The following ABCA10 variants were observed in gnomAD, a reference collection of about 807,000 sequenced individuals.
The protein encoded by ABCA10 is ATP binding cassette subfamily A member 10, also known as ATP-binding cassette sub-family A member 10.
In ABCA10, 169 loss-of-function variants were observed where a neutral mutation model predicts 187.5. The ratio of observed to expected loss-of-function variants is 0.90; its 90% CI spans 0.80 to 1.02. The LOEUF (loss-of-function observed/expected upper bound fraction) is 1.02. Among genes scored for constraint, ABCA10 ranks in the 50% least tolerant of loss-of-function variants. The pLI is 0.00. For synonymous variants in ABCA10, 574 were observed against 601.8 expected, an observed-to-expected ratio of 0.95 and a Z score of 0.68; for missense variants, 1,727 against 1,812.4, an observed-to-expected ratio of 0.95 and a Z score of 0.86.
chr17:69,153,642 T>A, intron 32 of ABCA10, 96 bp from the exon 33 acceptor site: 1 of 1,499,926 alleles, frequency 6.7e-7, no homozygotes, highest in Non-Finnish European at 9.0e-7. Flanking sequence ...TTCTAGATAG[T>A]AAATTTAAGC....
rs1239099868 is a variant in ABCA10, at chr17:69,225,547, GA to G, written c.-171-19del. The stretch of plus-strand genomic sequence containing the variant: ...GTCCATTCCTCCAGCACACAAAAGA[GA>G]AATGAGCCATGTTATAACGTGGTCC... On this transcript the variant is annotated intron_variant, in intron 2 of 38. Transcript: ENST00000690296. The G allele has an allele frequency of 1.8e-6, 1 of 548,878 alleles. No individual in the cohort carries two copies. Among genetic ancestry groups the G allele is most frequent in the Non-Finnish European group, 3.2e-6 (1 of 312,022 alleles). The allele number at this position is 548,878 out of a possible 1,614,324, so 34.0% of individuals were successfully genotyped here.
intron 9 of ABCA10, among the ~76,000 whole-genome samples, chr17:69,210,815 T>C (rs905949243): frequency 3.7e-5 from 5 of 133,356 alleles, no homozygotes; most frequent in African/African-American, 1.5e-4. Context: ...GGCATATATA[T>C]ACATATATAT....
intron 33 of ABCA10, 24 bp from the exon 34 acceptor site, chr17:69,153,423 C>T (rs748185220): frequency 1.7e-5 from 28 of 1,613,246 alleles, no homozygotes; most frequent in Middle Eastern, 1.6e-4. Flanking sequence ...AACAGCCCGT[C>T]GGCACCCAGC....
At chr17:69,188,668 T>C (rs1252855597) in intron 18 of ABCA10, among the ~76,000 whole-genome samples, 1 of 151,792 alleles carries the variant, frequency 6.6e-6, no homozygotes, top group African/African-American at 2.4e-5. Context: ...TAATACCCAC[T>C]AGGTCATTTT....
In ABCA10 at chr17:69,193,914, C is replaced by A; in HGVS notation, c.1421G>T (p.Cys474Phe). The change falls in exon 13 of 39, where the codon TGT (cysteine) becomes TTT (phenylalanine). Residue 474 changes from cysteine (C) to phenylalanine (F), a missense_variant. By Grantham distance (205) the Cys-to-Phe change is radical. Transcript: ENST00000690296. Reference sequence around the variant, plus strand: ...GTCAAATTGAAAATTGAACTGTGGACAAAATCCAATATTCTTTCTAATTTC... The same window carrying A: ...GTCAAATTGAAAATTGAACTGTGGAAAAAATCCAATATTCTTTCTAATTTC... ...MEEIRKNIGF[C>F]PQFNFQFDFL... is the part of the protein sequence containing the mutation. 6.2e-7 allele frequency: 1 copy of A among 1,612,600 alleles called. No homozygotes were observed. The highest frequency in any genetic ancestry group is 1.7e-5 in the Admixed American group (1 of 59,976).
At chr17:69,183,092 T>C (rs766206348) in intron 20 of ABCA10, among the ~76,000 whole-genome samples, 2 of 152,136 alleles carry the variant, frequency 1.3e-5, no homozygotes, top group Admixed American at 1.3e-4. Context: ...TAAGATTGCA[T>C]TTCTCACAGG....
intron 3 of ABCA10, 116 bp from the exon 4 acceptor site, chr17:69,222,813 G>A: frequency 1.1e-6 from 1 of 921,762 alleles, no homozygotes; most frequent in Non-Finnish European, 1.5e-6. Context: ...TATTATTTCT[G>A]GATAGCTGCC....
chr17:69,161,065 T>C (rs1598088743), intron 27 of ABCA10, among the ~76,000 whole-genome samples: 1 of 152,182 alleles, frequency 6.6e-6, no homozygotes, highest in Non-Finnish European at 1.5e-5. Context: ...TTCAATATTA[T>C]TCAACCTTAA....
intron 20 of ABCA10, among the ~76,000 whole-genome samples, chr17:69,183,547 G>A (rs963146626): frequency 3.3e-5 from 5 of 152,052 alleles, no homozygotes; most frequent in African/African-American, 2.4e-5. Flanking sequence ...GAGTGCCCTC[G>A]GTGTGAAAGG....
Position 69,182,218 on chromosome 17 carries a change from T to C in ABCA10, c.2704A>G (p.Asn902Asp). Residue 902 changes from asparagine (N) to aspartate (D), a missense_variant, in exon 22 of 39, where the codon AAT (asparagine) becomes GAT (aspartate). Transcript: ENST00000690296. ...CFPVLMGIVS[N>D]ALMGIFNFTE... ...AAGTTAAAAATTCCCATAAGGGCAT[T>C]GCTAACAATTCCCATAAGAACAGGA... 6.2e-7 allele frequency: 1 copy of C among 1,602,372 alleles called. No individual in the cohort carries two copies. Among genetic ancestry groups the C allele is most frequent in the Non-Finnish European group, 8.5e-7 (1 of 1,173,742 alleles).
At chr17:69,239,327 G>C (rs184374164) in intron 1 of ABCA10, among the ~76,000 whole-genome samples, 6 of 152,240 alleles carry the variant, frequency 3.9e-5, no homozygotes, top group Admixed American at 3.3e-4. Context: ...TAAAAAGAAT[G>C]GTTCCCAGGT....
intron 27 of ABCA10, among the ~76,000 whole-genome samples, chr17:69,159,307 G>A (rs145128393): frequency 3.9e-4 from 60 of 152,094 alleles, no homozygotes; most frequent in African/African-American, 1.4e-3. Context: ...GAGCCTCAAA[G>A]ATTATCAAGC....
At chr17:69,194,277 T>A (rs1219127029) in intron 12 of ABCA10, 108 bp downstream of exon 12, 1 of 930,596 alleles carries the variant, frequency 1.1e-6, no homozygotes, top group Non-Finnish European at 1.7e-6. Context: ...CTGCTCTAAA[T>A]TATTCAACTG....
chr17:69,226,663 G>A (rs1193576058), intron 2 of ABCA10, among the ~76,000 whole-genome samples: 1 of 151,882 alleles, frequency 6.6e-6, no homozygotes, highest in Non-Finnish European at 1.5e-5. Context: ...TTCCAAAAAA[G>A]TTTGCAGATT....
At chr17:69,177,906 A>C (rs1343566748) in intron 22 of ABCA10, among the ~76,000 whole-genome samples, 1 of 126,156 alleles carries the variant, frequency 7.9e-6, no homozygotes, top group East Asian at 2.2e-4. Flanking sequence ...CAGTGAGCTG[A>C]GATCTTGCCA....
chr17:69,190,703 C>A (rs968816217), intron 17 of ABCA10, among the ~76,000 whole-genome samples: 2 of 151,866 alleles, frequency 1.3e-5, no homozygotes, highest in Non-Finnish European at 2.9e-5. Flanking sequence ...ATTCTTGTAT[C>A]ATTATTGCTG....
chr17:69,170,225 T>C (rs1482255529), intron 25 of ABCA10, among the ~76,000 whole-genome samples: 1 of 151,360 alleles, frequency 6.6e-6, no homozygotes, highest in Non-Finnish European at 1.5e-5. Flanking sequence ...GAGGTGAAGG[T>C]TGCAGTGAGC....
At chr17:69,151,112 G>A (rs1008086675) in intron 36 of ABCA10, among the ~76,000 whole-genome samples, 6 of 152,114 alleles carry the variant, frequency 3.9e-5, no homozygotes, top group African/African-American at 1.4e-4. Flanking sequence ...TGAGCCACAG[G>A]TCTACATCTC....
At chr17:69,217,663 T>C (rs1447189831) in intron 6 of ABCA10, among the ~76,000 whole-genome samples, 2 of 152,184 alleles carry the variant, frequency 1.3e-5, no homozygotes, top group Admixed American at 6.5e-5. Context: ...CTGAGTTAAG[T>C]AGTAAATTTG....
Sources: gnomAD v4.1 joint callset for allele counts (sites outside exome capture counted in the v4.1 genomes callset) on GRCh38, gnomAD v4.1.1 for gene constraint, MANE v1.5 for transcripts, NCBI Gene and HGNC (gene_info 2026-07-23, HGNC 2026-07-21) for gene names.